The following IFIH1 variants were observed in gnomAD, a reference collection of about 807,000 sequenced individuals.
IFIH1 encodes interferon induced with helicase C domain 1.
IFIH1 carries 125 observed loss-of-function variants against 107.4 expected under a neutral mutation model. The ratio of observed to expected loss-of-function variants is 1.16; its 90% CI spans 1.01 to 1.35. IFIH1 has a LOEUF of 1.35. IFIH1 is among the 40% of genes most tolerant of loss of function. The probability of loss-of-function intolerance (pLI) is 0.00; values close to 1 mark genes in which losing one functional copy is unlikely to be tolerated. For synonymous variants in IFIH1, 458 were observed against 413.2 expected, an observed-to-expected ratio of 1.11 and a Z score of -1.31; for missense variants, 1,333 against 1,213.7, an observed-to-expected ratio of 1.10 and a Z score of -1.46.
intron 12 of IFIH1, among the ~76,000 whole-genome samples, chr2:162,273,405 T>C (rs1032808362): frequency 6.6e-6 from 1 of 152,078 alleles, no homozygotes; most frequent in African/African-American, 2.4e-5. Flanking sequence ...CTCCCTCAGG[T>C]TTGGGCATGT....
chr2:162,278,058 G>A, intron 9 of IFIH1, 147 bp downstream of exon 9: 1 of 666,796 alleles, frequency 1.5e-6, no homozygotes, highest in Non-Finnish European at 2.5e-6. Context: ...ATTAGAACAT[G>A]TTTATTATGC....
At chr2:162,293,707 TCTGAGAA>T in intron 3 of IFIH1, 39 bp from the exon 4 acceptor site, 1 of 1,399,086 alleles carries the variant, frequency 7.1e-7, no homozygotes, top group South Asian at 1.2e-5. Flanking sequence ...TTAAAATATT[TCTGAGAA>T]TAAACGTATT....
At chr2:162,279,031 TA>T (rs1354901474) in intron 8 of IFIH1, among the ~76,000 whole-genome samples, 1 of 152,006 alleles carries the variant, frequency 6.6e-6, no homozygotes, top group South Asian at 2.1e-4. Flanking sequence ...TCAAGGTATA[TA>T]AAAAAATTAA....
intron 1 of IFIH1, among the ~76,000 whole-genome samples, chr2:162,317,363 T>C (rs1025638666): frequency 6.6e-6 from 1 of 152,208 alleles, no homozygotes; most frequent in African/African-American, 2.4e-5. Flanking sequence ...CGTAGTTTAC[T>C]AACCCCTGCT....
At chr2:162,311,768 T>C (rs1298486674) in intron 1 of IFIH1, among the ~76,000 whole-genome samples, 13 of 152,164 alleles carry the variant, frequency 8.5e-5, no homozygotes, top group Non-Finnish European at 1.5e-4. Flanking sequence ...AGGACATCAT[T>C]AGCTTTCTGT....
intron 3 of IFIH1, among the ~76,000 whole-genome samples, chr2:162,305,945 T>A (rs1476931631): frequency 6.6e-6 from 1 of 152,214 alleles, no homozygotes; most frequent in Non-Finnish European, 1.5e-5. Flanking sequence ...TAAGCCTGAA[T>A]GAGAATATTT....
In IFIH1 at chr2:162,294,189, T is replaced by A. The variant is rs910486678; in HGVS notation, c.770-521A>T. ...AGAATTTGTTCAAAAAGAATATCAC[T>A]AAAGCCTGGCATCACAGTTGTACTA... On this transcript the variant is annotated intron_variant, in intron 3 of 15. Coordinates refer to ENST00000649979, the MANE Select transcript of IFIH1 (RefSeq NM_022168.4). Among the ~76,000 whole-genome samples the A allele has an allele frequency of 7.2e-5, 11 of 152,074 alleles. No homozygotes were observed. The East Asian group carries it at 1.9e-3, about 27-fold the overall frequency.
chr2:162,278,439 G>A (rs560891454), intron 8 of IFIH1, 111 bp from the exon 9 acceptor site: 18 of 623,746 alleles, frequency 2.9e-5, no homozygotes, highest in East Asian at 9.5e-5. Context: ...TCTTTGTTTA[G>A]ACAAAGTAAC....
intron 2 of IFIH1, among the ~76,000 whole-genome samples, chr2:162,307,378 T>G (rs1162714955): frequency 1.3e-5 from 2 of 152,174 alleles, no homozygotes; most frequent in Non-Finnish European, 2.9e-5. Flanking sequence ...GCTTTGCTCT[T>G]GCCATTTTGT....
In IFIH1 at chr2:162,311,930, C is replaced by T. The variant is rs542394159; in HGVS notation, c.454-997G>A. On this transcript the variant is annotated intron_variant, in intron 1 of 15. Coordinates refer to ENST00000649979, the MANE Select transcript of IFIH1 (RefSeq NM_022168.4). ...AAATACTGATGTCTAGGAAACACCC[C>T]TAAAAGATTATGATTTATTTTGTCT... Among the ~76,000 whole-genome samples the T allele has an allele frequency of 5.3e-5, 8 of 152,204 alleles. No individual in the cohort carries two copies. In the South Asian group the frequency reaches 1.7e-3, roughly 32 times the overall value.
At position 162,281,482 on chromosome 2, in the gene IFIH1, A is replaced by G; in HGVS notation, c.1370T>C (p.Ile457Thr). Reference protein sequence around the residue: ...HTNKEAVYNNIMRHYLMQKLK... With the variant: ...HTNKEAVYNNTMRHYLMQKLK... ...CTTCTGCATCAAATAATGCCTCATG[A>G]TGTTATTATACACTGCTTCTTTGTT... Residue 457 changes from isoleucine to threonine, a missense_variant, in exon 7 of 16, where the codon ATC (isoleucine) becomes ACC (threonine). By Grantham distance (89) the Ile-to-Thr change is moderately conservative. Transcript: ENST00000649979. 1 of 1,612,038 alleles carries G rather than the reference A, an allele frequency of 6.2e-7. No individual in the cohort carries two copies. Among genetic ancestry groups the G allele is most frequent in the Non-Finnish European group, 8.5e-7 (1 of 1,178,710 alleles).
chr2:162,291,497 GAA>G (rs11330317), intron 4 of IFIH1, among the ~76,000 whole-genome samples: 3 of 143,810 alleles, frequency 2.1e-5, no homozygotes, highest in South Asian at 4.4e-4. Flanking sequence ...ATGGGAAACA[GAA>G]AAAAAAAAGC....
rs1396124415 is a variant in IFIH1 at position 162,306,819 on chromosome 2, A to G, written c.659T>C (p.Val220Ala). ...ENLSQVDGPQ[V>A]EEQLLSTTVQ... ...TGTGGTTGAAAGAAGTTGCTCTTCC[A>G]CTTGAGGACCATCAACTTGTGATAA... Residue 220 changes from valine (V) to alanine (A), a missense_variant, in exon 3 of 16, where the codon GTG (valine) becomes GCG (alanine). Physicochemically the swap from Val to Ala is moderately conservative, Grantham distance 64. Coordinates refer to ENST00000649979, the MANE Select transcript of IFIH1 (RefSeq NM_022168.4). The G allele has an allele frequency of 6.2e-7, 1 of 1,613,966 alleles. No homozygotes were observed. The highest frequency in any genetic ancestry group is 1.7e-5 in the Admixed American group (1 of 60,028).
intron 3 of IFIH1, among the ~76,000 whole-genome samples, chr2:162,298,615 C>T (rs1377375600): frequency 6.6e-6 from 1 of 152,088 alleles, no homozygotes; most frequent in Non-Finnish European, 1.5e-5. Context: ...CATGTGTGCA[C>T]GTTTGGGCAC....
In IFIH1 at chr2:162,290,737, C is replaced by T. The variant is rs544357442; in HGVS notation, c.875-2382G>A. On this transcript the variant is annotated intron_variant, in intron 4 of 15. Coordinates refer to ENST00000649979, the MANE Select transcript of IFIH1 (RefSeq NM_022168.4). ...TAAGACTAGGAGATTTGATAGGTGG[C>T]CCTAAGTTTAAAAAGAAGCACAGTG... 5.6e-4 allele frequency among the ~76,000 whole-genome samples: 85 copies of T among 151,834 alleles called. 1 individual carries two copies. The South Asian group carries it at 0.017, about 30-fold the overall frequency.
intron 3 of IFIH1, among the ~76,000 whole-genome samples, chr2:162,296,077 T>C (rs1430504576): frequency 6.6e-6 from 1 of 152,052 alleles, no homozygotes; most frequent in Non-Finnish European, 1.5e-5. Flanking sequence ...TTTCCAAGTA[T>C]AATAAAAATG....
chr2:162,306,433 A>G (rs1444793580), intron 3 of IFIH1, among the ~76,000 whole-genome samples: 1 of 152,226 alleles, frequency 6.6e-6, no homozygotes, highest in Non-Finnish European at 1.5e-5. Context: ...AATATAAGGC[A>G]TTCTTATACT....
intron 2 of IFIH1, among the ~76,000 whole-genome samples, chr2:162,309,648 C>A (rs1683356093): frequency 6.6e-6 from 1 of 152,180 alleles, no homozygotes; most frequent in African/African-American, 2.4e-5. Context: ...ATCAGTAGCA[C>A]CCATGATCTT....
Position 162,268,179 on chromosome 2 carries a change from G to A in IFIH1, c.2715C>T (p.Phe905=). The A allele has an allele frequency of 6.2e-7, 1 of 1,613,392 alleles. No homozygotes were observed. The highest frequency in any genetic ancestry group is 8.5e-7 in the Non-Finnish European group (1 of 1,179,424). The change falls in exon 14 of 16, where the codon TTC becomes TTT. Residue 905 remains phenylalanine, a synonymous_variant. Transcript: ENST00000649979. ...CTAGCACACTGCAGTTTTTGCAAAG[G>A]AAAGTTATTAGTGATGGGTTATTCT... The part of the protein sequence containing the change: ...HYKNNPSLIT[F]LCKNCSVLAC...
Sources: allele counts gnomAD v4.1 joint callset (sites outside exome capture counted in the v4.1 genomes callset), GRCh38; gene constraint gnomAD v4.1.1; transcripts MANE v1.5; gene names NCBI Gene and HGNC (gene_info 2026-07-23, HGNC 2026-07-21).